ZDHHC9: variants seen among roughly 807,000 people sequenced by gnomAD.
ZDHHC9 encodes palmitoyltransferase ZDHHC9.
A neutral mutation model predicts 26.6 loss-of-function variants in ZDHHC9; 3 were observed. The observed-to-expected ratio is 0.11, with a 90% CI of 0.05 to 0.29. The LOEUF is 0.29. Among genes scored for constraint, ZDHHC9 ranks in the 10% least tolerant of loss-of-function variants. The probability of loss-of-function intolerance (pLI) is 1.00; values close to 1 mark genes in which losing one functional copy is unlikely to be tolerated. For synonymous variants in ZDHHC9, 111 were observed against 109.4 expected, an observed-to-expected ratio of 1.01 and a Z score of -0.09; for missense variants, 146 against 296.4, an observed-to-expected ratio of 0.49 and a Z score of 3.73.
intron 10 of ZDHHC9, among the ~76,000 whole-genome samples, chrX:129,807,521 T>C (rs1439082513): frequency 9.2e-6 from 1 of 108,460 alleles, no homozygotes; most frequent in Non-Finnish European, 1.9e-5. Context: ...AAAAATCTAT[T>C]AGAACTAATG....
chrX:129,804,231 G>A lies in ZDHHC9; in HGVS notation c.*2139C>T, dbSNP rs1457367476. The A allele has an allele frequency of 9.1e-6, 1 of 110,442 alleles. No homozygotes were observed. Among genetic ancestry groups the A allele is most frequent in the Non-Finnish European group, 1.9e-5 (1 of 52,840 alleles). 9.1% of individuals were successfully genotyped at this position (110,442 alleles called of 1,213,427 possible). A position where few individuals can be genotyped will look rare whatever the true frequency, so the allele number is the denominator to read the frequency against. ...GTTCATATGAGTGCCAAGTTACCTG[G>A]GGAAACCTAACAACTTACAAATTCT... is the stretch of plus-strand genomic sequence containing the variant. On this transcript the variant is annotated 3_prime_UTR_variant, in exon 11 of 11. Transcript: ENST00000357166.
chrX:129,831,972 G>A (rs367544468), intron 3 of ZDHHC9, among the ~76,000 whole-genome samples: 11 of 109,996 alleles, frequency 1.0e-4, no homozygotes, highest in African/African-American at 3.6e-4. Context: ...CCCAACATGC[G>A]GACTATGGTT....
At chrX:129,821,731 G>T (rs761012300) in intron 5 of ZDHHC9, among the ~76,000 whole-genome samples, 76 of 108,452 alleles carry the variant, frequency 7.0e-4, no homozygotes, top group South Asian at 1.2e-3. Flanking sequence ...AGACCAGCCT[G>T]ACCAACATGG....
intron 4 of ZDHHC9, among the ~76,000 whole-genome samples, chrX:129,828,692 TC>T (rs1410013680): frequency 9.0e-6 from 1 of 110,734 alleles, no homozygotes; most frequent in Non-Finnish European, 1.9e-5. Flanking sequence ...GGTGACCACC[TC>T]CCCCAAAAAA....
chrX:129,813,874 C>T (rs937187080), intron 6 of ZDHHC9, 149 bp from the exon 7 acceptor site: 1 of 518,046 alleles, frequency 1.9e-6, no homozygotes, highest in African/African-American at 2.3e-5. Context: ...GGGTGAAGAG[C>T]CTCATCTCCT....
At chrX:129,839,323 G>A (rs1414672301) in intron 3 of ZDHHC9, among the ~76,000 whole-genome samples, 1 of 108,130 alleles carries the variant, frequency 9.2e-6, no homozygotes, top group African/African-American at 3.4e-5. Context: ...GGATTCTCCT[G>A]CCTCAGCCTT....
intron 5 of ZDHHC9, among the ~76,000 whole-genome samples, chrX:129,815,204 T>C (rs1340428850): frequency 8.9e-6 from 1 of 111,968 alleles, no homozygotes; most frequent in Non-Finnish European, 1.9e-5. Flanking sequence ...TAAAATGGTA[T>C]GGCATAGTTC....
rs1466774402 is a variant in ZDHHC9, at chrX:129,813,630, A to G, written c.674+47T>C. 9 of 1,159,471 alleles carry G rather than the reference A, an allele frequency of 7.8e-6. No individual in the cohort carries two copies. In the African/African-American group the frequency reaches 1.2e-4, roughly 16 times the overall value. On this transcript the variant is annotated intron_variant, in intron 7 of 10. Transcript: ENST00000357166. ...ACTGTGGGGAAAAAGCATGCTGGAA[A>G]GTAGCTTAAGAAGGCTTCACAGGGA...
intron 3 of ZDHHC9, among the ~76,000 whole-genome samples, chrX:129,833,344 G>T (rs1003927591): frequency 1.8e-5 from 2 of 111,975 alleles, no homozygotes. Context: ...AACCATCAGT[G>T]CCAGGCTGGG....
intron 3 of ZDHHC9, among the ~76,000 whole-genome samples, chrX:129,839,075 G>T (rs1163252874): frequency 9.0e-6 from 1 of 111,669 alleles, no homozygotes; most frequent in East Asian, 2.8e-4. Flanking sequence ...CTTCCCACAA[G>T]GTAAAAATAC....
At chrX:129,828,839 G>A in intron 4 of ZDHHC9, 142 bp downstream of exon 4, 4 of 804,095 alleles carry the variant, frequency 5.0e-6, no homozygotes, top group East Asian at 6.3e-5. Flanking sequence ...AATTCACGGG[G>A]TAGTCATGAT....
intron 8 of ZDHHC9, 90 bp from the exon 9 acceptor site, chrX:129,811,599 AAATAAT>A (rs1292307286): frequency 1.6e-4 from 112 of 722,236 alleles, no homozygotes; most frequent in East Asian, 1.1e-4. Flanking sequence ...CAAAAAAGAA[AAATAAT>A]AATAATAATG....
Position 129,812,718 on chromosome X carries a change from G to A in ZDHHC9, c.777C>T (p.Asp259=), listed in dbSNP as rs751918374. 32 of 1,198,491 alleles carry A rather than the reference G, an allele frequency of 2.7e-5. No homozygotes were observed. Among genetic ancestry groups the A allele is most frequent in the Admixed American group, 2.4e-4 (11 of 45,737 alleles). Residue 259 remains aspartate, a splice_region_variant and synonymous_variant, in exon 8 of 11, where the codon GAC becomes GAT. Coordinates refer to ENST00000357166, the MANE Select transcript of ZDHHC9 (RefSeq NM_016032.4). ...TGAGGAGAAGAGAAAGTTGACTCAC[G>A]TCTTCATTGGTTGTCTGGTTGAGAG... ...LVALNQTTNE[D]IKGSWTGKNR... is the part of the protein sequence containing the mutation.
At chrX:129,830,458 T>G (rs1928116237) in intron 3 of ZDHHC9, among the ~76,000 whole-genome samples, 1 of 112,267 alleles carries the variant, frequency 8.9e-6, no homozygotes, top group African/African-American at 3.2e-5. Context: ...ATTCTGTATC[T>G]CCCAGAGCTT....
chrX:129,817,520 C>T lies in ZDHHC9; in HGVS notation c.488-2725G>A, dbSNP rs759904049. Among the ~76,000 whole-genome samples the T allele has an allele frequency of 2.7e-5, 3 of 111,560 alleles. No individual in the cohort carries two copies. The South Asian group carries it at 1.1e-3, about 42-fold the overall frequency. On this transcript the variant is annotated intron_variant, in intron 5 of 10. Coordinates refer to ENST00000357166, the MANE Select transcript of ZDHHC9 (RefSeq NM_016032.4). The stretch of plus-strand genomic sequence containing the variant: ...TGCCATTTTAACCATTTTAAGTGTG[C>T]AATTCAGTGGCATTAATTACATTCA...
intron 5 of ZDHHC9, chrX:129,822,926 A>C (rs1927923805): frequency 9.0e-6 from 1 of 111,643 alleles, no homozygotes; most frequent in South Asian, 3.7e-4. Flanking sequence ...TATCAACAGG[A>C]ATCTTTATGG....
At chrX:129,823,937 C>T in intron 4 of ZDHHC9, 100 bp from the exon 5 acceptor site, 1 of 805,273 alleles carries the variant, frequency 1.2e-6, no homozygotes, top group Non-Finnish European at 1.9e-6. Flanking sequence ...CAAAGGTTCC[C>T]CAAGCCCCCT....
In ZDHHC9 at chrX:129,813,741, G is replaced by A. The variant is rs1441932251; in HGVS notation, c.626-16C>T. ...TTCAAAGATTCTGTGAAATTGGATG[G>A]AAGAGTAGAGAGAAAAATTAGTGAC... On this transcript the variant is annotated splice_polypyrimidine_tract_variant and intron_variant, in intron 6 of 10. Coordinates refer to ENST00000357166, the MANE Select transcript of ZDHHC9 (RefSeq NM_016032.4). The A allele has an allele frequency of 8.3e-7, 1 of 1,198,495 alleles. No homozygotes were observed. Among genetic ancestry groups the A allele is most frequent in the African/African-American group, 1.8e-5 (1 of 57,093 alleles).
intron 5 of ZDHHC9, chrX:129,823,405 A>G: frequency 2.8e-6 from 1 of 357,579 alleles, no homozygotes; most frequent in Non-Finnish European, 4.9e-6. Context: ...AGGAAAATCT[A>G]AATTTCAAAA....
Sources: allele counts gnomAD v4.1 joint callset (sites outside exome capture counted in the v4.1 genomes callset), GRCh38; gene constraint gnomAD v4.1.1; transcripts MANE v1.5; gene names NCBI Gene and HGNC (gene_info 2026-07-23, HGNC 2026-07-21).